The following ARHGAP24 variants were observed in gnomAD, a reference collection of about 807,000 sequenced individuals.
The protein encoded by ARHGAP24 is rho GTPase-activating protein 24.
Under a neutral mutation model 76.4 loss-of-function variants are expected in ARHGAP24, and 50 were observed. The observed-to-expected ratio is 0.65, with a 90% CI of 0.52 to 0.83. ARHGAP24 has a LOEUF of 0.83. Among genes scored for constraint, ARHGAP24 ranks in the 40% least tolerant of loss-of-function variants. The probability of loss-of-function intolerance (pLI) is 0.00; values close to 1 mark genes in which losing one functional copy is unlikely to be tolerated. For missense variants in ARHGAP24, 930 were observed against 914.2 expected (o/e 1.02, Z -0.22); for synonymous variants, 345 against 323.3 (o/e 1.07, Z -0.72).
rs1418108142 is a variant in ARHGAP24 at position 85,584,120 on chromosome 4, C to G, written c.180+13399C>G. On this transcript the variant is annotated intron_variant, in intron 2 of 9. Transcript: ENST00000395184. ...TATACCCAAAGGACTATAAATCATGCTGCTATAAAGACACATGCACACGTA... is the reference window on the plus strand; with the variant it reads ...TATACCCAAAGGACTATAAATCATGGTGCTATAAAGACACATGCACACGTA... Among the ~76,000 whole-genome samples, 31 of 151,416 alleles carry G rather than the reference C, an allele frequency of 2.0e-4. 1 individual carries two copies. The highest frequency in any genetic ancestry group is 1.8e-3 in the Admixed American group (27 of 15,196).
intron 4 of ARHGAP24, among the ~76,000 whole-genome samples, chr4:85,939,328 A>G (rs1429366528): frequency 1.3e-5 from 2 of 152,228 alleles, no homozygotes. Flanking sequence ...CTGTGATTAA[A>G]TAAAAAGGAA....
intron 8 of ARHGAP24, chr4:85,990,855 T>A (rs1273919222): frequency 6.6e-6 from 1 of 152,044 alleles, no homozygotes; most frequent in Non-Finnish European, 1.5e-5. Flanking sequence ...CTTATGACGT[T>A]GTGCTAGTGA....
intron 5 of ARHGAP24, among the ~76,000 whole-genome samples, chr4:85,956,088 G>A (rs1737886685): frequency 1.3e-5 from 2 of 152,182 alleles, no homozygotes; most frequent in Admixed American, 1.3e-4. Flanking sequence ...GGTAGCTTGA[G>A]GGCATGTGAA....
intron 3 of ARHGAP24, among the ~76,000 whole-genome samples, chr4:85,783,137 G>C (rs2110086576): frequency 6.6e-6 from 1 of 152,268 alleles, no homozygotes; most frequent in East Asian, 1.9e-4. Context: ...TAATAATTCA[G>C]AAAGTGGAAT....
At chr4:85,695,475 GA>G (rs974332012) in intron 2 of ARHGAP24, among the ~76,000 whole-genome samples, 1 of 152,212 alleles carries the variant, frequency 6.6e-6, no homozygotes, top group African/African-American at 2.4e-5. Context: ...ATCATAGATG[GA>G]AAAAAATCAA....
intron 2 of ARHGAP24, among the ~76,000 whole-genome samples, chr4:85,653,896 C>T (rs921463723): frequency 5.9e-5 from 9 of 152,200 alleles, no homozygotes; most frequent in African/African-American, 1.9e-4. Flanking sequence ...ATATTTCCAT[C>T]ATGGAAGAAT....
At chr4:85,888,962 T>C (rs1194458600) in intron 3 of ARHGAP24, among the ~76,000 whole-genome samples, 1 of 152,226 alleles carries the variant, frequency 6.6e-6, no homozygotes, top group Non-Finnish European at 1.5e-5. Flanking sequence ...ATCTTTTTCT[T>C]TTTTATGGCT....
chr4:85,865,090 G>A (rs1357157385), intron 3 of ARHGAP24, among the ~76,000 whole-genome samples: 2 of 152,198 alleles, frequency 1.3e-5, no homozygotes, highest in East Asian at 3.9e-4. Flanking sequence ...CTTAGATGTA[G>A]AAATGACTTG....
intron 2 of ARHGAP24, among the ~76,000 whole-genome samples, chr4:85,596,514 A>G (rs1206146793): frequency 1.3e-5 from 2 of 152,084 alleles, no homozygotes; most frequent in African/African-American, 2.4e-5. Context: ...GAGCCTTCTC[A>G]GGGGTTCAAG....
chr4:85,645,246 C>T (rs192687233), intron 2 of ARHGAP24, among the ~76,000 whole-genome samples: 19 of 152,188 alleles, frequency 1.2e-4, no homozygotes, highest in South Asian at 8.3e-4. Context: ...GTTATTTTCA[C>T]GCTCTGGTTA....
chr4:85,821,927 T>G (rs546161168), intron 3 of ARHGAP24, among the ~76,000 whole-genome samples: 2 of 152,186 alleles, frequency 1.3e-5, no homozygotes, highest in Non-Finnish European at 2.9e-5. Context: ...GTAAAAGTAT[T>G]TACTGTTTTT....
At position 86,002,448 on chromosome 4, in the gene ARHGAP24, A is replaced by G. The variant is rs1741065715; in HGVS notation, c.*1726A>G. ...CAAAATATGAAAATTGATCTTAATA[A>G]CTCTCCCTTCATATCTTTTCACCTA... On this transcript the variant is annotated 3_prime_UTR_variant, in exon 10 of 10. Coordinates refer to ENST00000395184, the MANE Select transcript of ARHGAP24 (RefSeq NM_001025616.3). The G allele has an allele frequency of 6.6e-6, 1 of 151,948 alleles. No homozygotes were observed. Among genetic ancestry groups the G allele is most frequent in the South Asian group, 2.1e-4 (1 of 4,808 alleles). 9.4% of individuals were successfully genotyped at this position (151,948 alleles called of 1,614,324 possible).
chr4:85,735,497 T>C (rs540232378), intron 3 of ARHGAP24, among the ~76,000 whole-genome samples: 2 of 152,336 alleles, frequency 1.3e-5, no homozygotes, highest in African/African-American at 4.8e-5. Flanking sequence ...CCAATCAGAA[T>C]CATTTGACCC....
At chr4:85,845,396 C>T (rs1993187) in intron 3 of ARHGAP24, among the ~76,000 whole-genome samples, 5,654 of 152,152 alleles carry the variant, frequency 0.037, 367 homozygotes, top group African/African-American at 0.13. Flanking sequence ...GAGATTAAGG[C>T]GCTTGTTCAA....
chr4:85,920,077 C>A (rs1735642425), intron 3 of ARHGAP24, among the ~76,000 whole-genome samples: 2 of 152,106 alleles, frequency 1.3e-5, no homozygotes, highest in African/African-American at 4.8e-5. Context: ...AGAAAGATAA[C>A]ACTTTTAGAA....
In ARHGAP24 at chr4:85,616,863, G is replaced by A. The variant is rs185067603; in HGVS notation, c.180+46142G>A. Reference sequence around the variant, plus strand: ...GGCTGGTCTTGAACTCCTGACCTTGGATGATCCGCCCACCTTGGCCTCCCA... The same window carrying A: ...GGCTGGTCTTGAACTCCTGACCTTGAATGATCCGCCCACCTTGGCCTCCCA... On this transcript the variant is annotated intron_variant, in intron 2 of 9. Coordinates refer to ENST00000395184, the MANE Select transcript of ARHGAP24 (RefSeq NM_001025616.3). Among the ~76,000 whole-genome samples, 286 of 152,034 alleles carry A rather than the reference G, an allele frequency of 1.9e-3. 7 individuals carry two copies. The highest frequency in any genetic ancestry group is 2.4e-3 in the Non-Finnish European group (162 of 67,948).
intron 1 of ARHGAP24, among the ~76,000 whole-genome samples, chr4:85,511,700 G>A (rs1724289468): frequency 6.6e-6 from 1 of 152,014 alleles, no homozygotes; most frequent in South Asian, 2.1e-4. Flanking sequence ...CCCGACCTCA[G>A]GTGATCCACC....
At chr4:85,723,670 A>C in intron 3 of ARHGAP24, 1 of 152,328 alleles carries the variant, frequency 6.6e-6, no homozygotes. Context: ...TAGCTGCTAA[A>C]TTAGGTTTTA....
intron 3 of ARHGAP24, among the ~76,000 whole-genome samples, chr4:85,912,968 A>T (rs1184445031): frequency 1.3e-5 from 2 of 152,130 alleles, no homozygotes; most frequent in Non-Finnish European, 2.9e-5. Flanking sequence ...TCCTGAGAAG[A>T]GTGAAAAATT....
Sources: allele counts gnomAD v4.1 joint callset (sites outside exome capture counted in the v4.1 genomes callset), GRCh38; gene constraint gnomAD v4.1.1; transcripts MANE v1.5; gene names NCBI Gene and HGNC (gene_info 2026-07-23, HGNC 2026-07-21).